The following SMOC2 variants were observed in gnomAD, a reference collection of about 807,000 sequenced individuals.
The protein encoded by SMOC2 is SPARC-related modular calcium-binding protein 2.
In SMOC2, 39 loss-of-function variants were observed where a neutral mutation model predicts 61.4. The observed-to-expected ratio is 0.64, with a 90% CI of 0.49 to 0.83. The LOEUF (loss-of-function observed/expected upper bound fraction) is 0.83, where lower values mean the gene tolerates loss of function less well. SMOC2 is among the 40% of genes least tolerant of loss of function. SMOC2 has a pLI of 0.00. For missense variants in SMOC2, 556 were observed against 592.9 expected, an observed-to-expected ratio of 0.94 and a Z score of 0.65; for synonymous variants, 247 against 239.9, an observed-to-expected ratio of 1.03 and a Z score of -0.27.
intron 7 of SMOC2, among the ~76,000 whole-genome samples, chr6:168,552,229 A>G (rs2144750): frequency 0.71 from 108,625 of 152,148 alleles, 39,840 homozygotes; most frequent in East Asian, 1. Context: ...ATCATAGGAT[A>G]TATATAATGA....
intron 11 of SMOC2, among the ~76,000 whole-genome samples, chr6:168,658,761 CAGCAGTTA>C (rs1366752722): frequency 6.6e-6 from 1 of 152,174 alleles, no homozygotes; most frequent in Non-Finnish European, 1.5e-5. Flanking sequence ...GATGGATCCA[CAGCAGTTA>C]AGAAGATGTT....
chr6:168,608,476 A>G (rs900795826), intron 9 of SMOC2, among the ~76,000 whole-genome samples: 1 of 152,150 alleles, frequency 6.6e-6, no homozygotes, highest in Non-Finnish European at 1.5e-5. Context: ...AAGGTCAGAC[A>G]TGGAAGAGAA....
chr6:168,603,775 G>A (rs747947798), intron 8 of SMOC2, among the ~76,000 whole-genome samples: 1 of 151,978 alleles, frequency 6.6e-6, no homozygotes, highest in Non-Finnish European at 1.5e-5. Context: ...GAAGGAAATG[G>A]CAGGGGCGAC....
intron 8 of SMOC2, among the ~76,000 whole-genome samples, chr6:168,599,558 CCATACACACCCACACTCATACCA>C (rs1785463430): frequency 8.7e-6 from 1 of 115,018 alleles, no homozygotes; most frequent in Non-Finnish European, 1.8e-5. Flanking sequence ...ACTCATACCC[CCATACACACCCACACTCATACCA>C]CACACACCCA....
intron 1 of SMOC2, among the ~76,000 whole-genome samples, chr6:168,451,826 C>A (rs1412300577): frequency 2.6e-5 from 4 of 152,184 alleles, no homozygotes; most frequent in African/African-American, 7.2e-5. Context: ...ATAGATCTTT[C>A]TTTTCATTTA....
At chr6:168,664,046 T>C in intron 11 of SMOC2, 28 bp from the exon 12 acceptor site, 1 of 1,584,294 alleles carries the variant, frequency 6.3e-7, no homozygotes, top group Admixed American at 1.7e-5. Context: ...CTCTGATTTT[T>C]AATAATATCT....
chr6:168,612,845 CCA>C (rs1785916764), intron 9 of SMOC2, among the ~76,000 whole-genome samples: 3 of 152,112 alleles, frequency 2.0e-5, no homozygotes, highest in Admixed American at 2.0e-4. Flanking sequence ...CAGAGCAGGC[CCA>C]GTCGCCGGCA....
intron 9 of SMOC2, among the ~76,000 whole-genome samples, chr6:168,619,784 C>T (rs764328959): frequency 5.9e-5 from 9 of 152,220 alleles, no homozygotes; most frequent in African/African-American, 9.6e-5. Context: ...GAGGCCAGTC[C>T]GGACAGAGGG....
intron 9 of SMOC2, among the ~76,000 whole-genome samples, chr6:168,622,664 C>CTTTT (rs1360886889): frequency 6.6e-6 from 1 of 152,118 alleles, no homozygotes; most frequent in Admixed American, 6.5e-5. Context: ...GCAGGGCTGC[C>CTTTT]TGTCTTGTCT....
intron 2 of SMOC2, among the ~76,000 whole-genome samples, chr6:168,517,517 C>T (rs1007582044): frequency 2.0e-5 from 3 of 152,226 alleles, no homozygotes; most frequent in Non-Finnish European, 2.9e-5. Flanking sequence ...AGCAGCTTTG[C>T]CATCCTTTGA....
chr6:168,478,647 C>T (rs1782141144), intron 1 of SMOC2, among the ~76,000 whole-genome samples: 1 of 152,210 alleles, frequency 6.6e-6, no homozygotes, highest in Admixed American at 6.5e-5. Context: ...TCCTTAGAGT[C>T]CCATGTGCTG....
intron 12 of SMOC2, among the ~76,000 whole-genome samples, chr6:168,666,168 A>C (rs1327183974): frequency 6.6e-6 from 1 of 152,242 alleles, no homozygotes; most frequent in Non-Finnish European, 1.5e-5. Context: ...AGTACTTAGA[A>C]TATTTACAGT....
At chr6:168,468,110 T>C (rs1444864783) in intron 1 of SMOC2, among the ~76,000 whole-genome samples, 3 of 152,304 alleles carry the variant, frequency 2.0e-5, no homozygotes, top group South Asian at 2.1e-4. Context: ...GTACTCTTCT[T>C]TTCTCCTTGG....
At chr6:168,609,422 T>G (rs531868103) in intron 9 of SMOC2, among the ~76,000 whole-genome samples, 4 of 145,336 alleles carry the variant, frequency 2.8e-5, no homozygotes, top group Admixed American at 2.7e-4. Context: ...TGAATCAGCT[T>G]CTTTCTGGAT....
rs9456157 is a variant in SMOC2, at chr6:168,516,696, C to T, written c.256+6610C>T. On this transcript the variant is annotated intron_variant, in intron 2 of 12. Transcript: ENST00000356284. ...GATTCGAATCTCCACAAGATGAACG[C>T]ACATGCTGTTATTATTAAGATTATT... 2.6e-3 allele frequency among the ~76,000 whole-genome samples: 392 copies of T among 152,212 alleles called. 2 individuals carry two copies. The highest frequency in any genetic ancestry group is 9.0e-3 in the African/African-American group (374 of 41,506).
chr6:168,530,383 CTAAATTCCTATTAATCCA>C (rs1220936849), intron 4 of SMOC2, among the ~76,000 whole-genome samples: 1 of 152,014 alleles, frequency 6.6e-6, no homozygotes, highest in African/African-American at 2.4e-5. Flanking sequence ...TGCAAAATAC[CTAAATTCCTATTAATCCA>C]TAAATTCCTA....
intron 9 of SMOC2, among the ~76,000 whole-genome samples, chr6:168,639,009 T>A (rs893370211): frequency 6.6e-6 from 1 of 152,182 alleles, no homozygotes; most frequent in African/African-American, 2.4e-5. Context: ...TAGACCTGGC[T>A]TCGTTACAAA....
chr6:168,450,206 G>T (rs1781430137), intron 1 of SMOC2, among the ~76,000 whole-genome samples: 2 of 152,174 alleles, frequency 1.3e-5, no homozygotes, highest in African/African-American at 4.8e-5. Flanking sequence ...TGTACATAAA[G>T]TTTTGAACAC....
intron 7 of SMOC2, among the ~76,000 whole-genome samples, chr6:168,590,620 C>T (rs73260692): frequency 0.21 from 32,147 of 151,868 alleles, 3,790 homozygotes; most frequent in South Asian, 0.28. Flanking sequence ...CTGCAGCGTG[C>T]GATGTCTTGA....
Sources: gnomAD v4.1 joint callset for allele counts (sites outside exome capture counted in the v4.1 genomes callset) on GRCh38, gnomAD v4.1.1 for gene constraint, MANE v1.5 for transcripts, NCBI Gene and HGNC (gene_info 2026-07-23, HGNC 2026-07-21) for gene names.